Variants in MTMR2 observed in about 807,000 individuals in gnomAD.
The protein encoded by MTMR2 is myotubularin related protein 2.
A neutral mutation model predicts 86.9 loss-of-function variants in MTMR2; 55 were observed. The observed-to-expected ratio is 0.63, with a 90% confidence interval of 0.51 to 0.79. The LOEUF (loss-of-function observed/expected upper bound fraction) is 0.79, where lower values mean the gene tolerates loss of function less well. Among genes scored for constraint, MTMR2 ranks in the 30% least tolerant of loss-of-function variants. The pLI is 0.00. For missense variants in MTMR2, 659 were observed against 772.3 expected (o/e 0.85, Z 1.74); for synonymous variants, 241 against 266.8 (o/e 0.90, Z 0.94).
chr11:95,859,866 A>G (rs1255144491), intron 5 of MTMR2, among the ~76,000 whole-genome samples: 1 of 152,170 alleles, frequency 6.6e-6, no homozygotes, highest in African/African-American at 2.4e-5. Context: ...TGGCTTTACT[A>G]TCTTTTAAAA....
chr11:95,882,659 CT>C (rs1865371452), intron 2 of MTMR2, among the ~76,000 whole-genome samples: 1 of 151,720 alleles, frequency 6.6e-6, no homozygotes. Context: ...AAAACATATC[CT>C]TTATCATATA....
chr11:95,879,995 TAA>T (rs1173605463), intron 2 of MTMR2, among the ~76,000 whole-genome samples: 5 of 151,994 alleles, frequency 3.3e-5, no homozygotes, highest in African/African-American at 1.2e-4. Context: ...TCTGCATATT[TAA>T]GTTTATTCCT....
At chr11:95,862,623 A>G (rs1864467182) in intron 3 of MTMR2, among the ~76,000 whole-genome samples, 1 of 152,176 alleles carries the variant, frequency 6.6e-6, no homozygotes, top group Admixed American at 6.5e-5. Flanking sequence ...GGAAGTAAAC[A>G]AAGGGGCTAC....
At chr11:95,878,162 G>A (rs1200502050) in intron 2 of MTMR2, among the ~76,000 whole-genome samples, 1 of 148,192 alleles carries the variant, frequency 6.7e-6, no homozygotes, top group Non-Finnish European at 1.5e-5. Context: ...ATCTTAAAAG[G>A]ATATTACTAA....
At position 95,880,061 on chromosome 11, in the gene MTMR2, A is replaced by AT. The variant is rs1865267601; in HGVS notation, c.186+8094dup. 2.0e-5 allele frequency among the ~76,000 whole-genome samples: 3 copies of AT among 151,862 alleles called. No homozygotes were observed. The Middle Eastern group carries it at 0.01, about 517-fold the overall frequency. ...AATTTTTCTCTTATATTTTATAAGTATTTTTATAATAGAAAGCTATAATTC... is the reference window on the plus strand; with the variant it reads ...AATTTTTCTCTTATATTTTATAAGTATTTTTTATAATAGAAAGCTATAATTC... On this transcript the variant is annotated intron_variant, in intron 2 of 14. Coordinates refer to ENST00000346299, the MANE Select transcript of MTMR2 (RefSeq NM_016156.6).
chr11:95,839,549 G>T (rs1863447465), intron 12 of MTMR2, among the ~76,000 whole-genome samples: 1 of 152,094 alleles, frequency 6.6e-6, no homozygotes, highest in Admixed American at 6.6e-5. Context: ...GGCATTAACT[G>T]CAGCTATTGC....
intron 1 of MTMR2, among the ~76,000 whole-genome samples, chr11:95,895,140 G>A (rs1273674404): frequency 6.6e-6 from 1 of 150,774 alleles, no homozygotes; most frequent in Non-Finnish European, 1.5e-5. Flanking sequence ...TACCATGAGA[G>A]GTACAAACAA....
intron 1 of MTMR2, 106 bp downstream of exon 1, chr11:95,923,769 A>G (rs1867022122): frequency 2.0e-6 from 3 of 1,496,904 alleles, no homozygotes; most frequent in Non-Finnish European, 2.7e-6. Context: ...ATTCCGGCGT[A>G]GCCTTCAGAA....
chr11:95,839,164 C>T (rs1863426527), intron 12 of MTMR2, among the ~76,000 whole-genome samples: 1 of 151,652 alleles, frequency 6.6e-6, no homozygotes, highest in African/African-American at 2.4e-5. Context: ...TACATTTTAG[C>T]AAGTATAGAC....
intron 7 of MTMR2, among the ~76,000 whole-genome samples, chr11:95,856,238 A>C (rs946041078): frequency 0.039 from 9 of 230 alleles, no homozygotes; most frequent in Non-Finnish European, 0.021. Flanking sequence ...TGGAATGGCT[A>C]GGGGGACACA....
At chr11:95,854,721 T>C (rs1417141158) in intron 7 of MTMR2, among the ~76,000 whole-genome samples, 1 of 147,142 alleles carries the variant, frequency 6.8e-6, no homozygotes, top group Non-Finnish European at 1.5e-5. Flanking sequence ...CCACCTTGGC[T>C]TCTCAAAGTG....
chr11:95,876,182 T>C lies in MTMR2; in HGVS notation c.187-10506A>G, dbSNP rs553621059. On this transcript the variant is annotated intron_variant, in intron 2 of 14. Transcript: ENST00000346299. ...GTTTCTGCTGCCTTTTGTTTGGCTATGCCCTGCCCCCAGAGGTGGAGTCTT... is the reference window on the plus strand; with the variant it reads ...GTTTCTGCTGCCTTTTGTTTGGCTACGCCCTGCCCCCAGAGGTGGAGTCTT... 2.0e-5 allele frequency among the ~76,000 whole-genome samples: 3 copies of C among 152,332 alleles called. No homozygotes were observed. The South Asian group carries it at 6.2e-4, about 32-fold the overall frequency.
rs886048773 is a variant in MTMR2, at chr11:95,924,036, G to A, written c.-82C>T. On this transcript the variant is annotated 5_prime_UTR_variant, in exon 1 of 15. Coordinates refer to ENST00000346299, the MANE Select transcript of MTMR2 (RefSeq NM_016156.6). ...GGAGAAGCGGAGGGCGGAGTGCTAC[G>A]GACCGGGGCCGCAGTCAGGCCAGCG... 1.2e-5 allele frequency: 18 copies of A among 1,519,636 alleles called. No homozygotes were observed. The highest frequency in any genetic ancestry group is 1.4e-5 in the Non-Finnish European group (16 of 1,120,374). 94.1% of individuals were successfully genotyped at this position (1,519,636 alleles called of 1,614,324 possible).
At chr11:95,849,885 C>G (rs1863952216) in intron 8 of MTMR2, 23 bp from the exon 9 acceptor site, 1 of 1,574,784 alleles carries the variant, frequency 6.4e-7, no homozygotes, top group Non-Finnish European at 8.7e-7. Flanking sequence ...AAAATGGTAA[C>G]ACACCTTTTA....
intron 12 of MTMR2, among the ~76,000 whole-genome samples, chr11:95,839,702 G>A (rs1863456466): frequency 6.6e-6 from 1 of 152,130 alleles, no homozygotes; most frequent in Non-Finnish European, 1.5e-5. Context: ...ATAGAATCTG[G>A]CTGTCATAAC....
At chr11:95,892,466 C>CT (rs1865746955) in intron 1 of MTMR2, among the ~76,000 whole-genome samples, 2 of 152,158 alleles carry the variant, frequency 1.3e-5, no homozygotes, top group African/African-American at 4.8e-5. Context: ...ATGGCCACCT[C>CT]TTTTTAAAAT....
At chr11:95,865,823 G>C (rs1186695489) in intron 2 of MTMR2, 147 bp from the exon 3 acceptor site, 1 of 697,466 alleles carries the variant, frequency 1.4e-6, no homozygotes, top group East Asian at 2.7e-5. Flanking sequence ...CTGTAGTGTT[G>C]GCATGTATAA....
At chr11:95,915,013 T>C (rs1421208551) in intron 1 of MTMR2, among the ~76,000 whole-genome samples, 2 of 152,220 alleles carry the variant, frequency 1.3e-5, no homozygotes, top group South Asian at 2.1e-4. Context: ...ATTTATATTA[T>C]TGTTGTGTTT....
intron 11 of MTMR2, 95 bp downstream of exon 11, chr11:95,844,858 T>C (rs1243013279): frequency 3.5e-5 from 40 of 1,140,288 alleles, no homozygotes; most frequent in Non-Finnish European, 4.6e-5. Context: ...AAATGATCAA[T>C]TTCAGATGAA....
Sources: gnomAD v4.1 joint callset for allele counts (sites outside exome capture counted in the v4.1 genomes callset) on GRCh38, gnomAD v4.1.1 for gene constraint, MANE v1.5 for transcripts, NCBI Gene and HGNC (gene_info 2026-07-23, HGNC 2026-07-21) for gene names.